The following SGCE variants were observed in gnomAD, a reference collection of about 807,000 sequenced individuals.
The protein encoded by SGCE is sarcoglycan epsilon.
Under a neutral mutation model 57.8 loss-of-function variants are expected in SGCE, and 26 were observed. The observed-to-expected ratio is 0.45, with a 90% confidence interval of 0.33 to 0.62. SGCE has a LOEUF of 0.62. Among genes scored for constraint, SGCE ranks in the 20% least tolerant of loss-of-function variants. The probability of loss-of-function intolerance (pLI) is 0.02; values close to 1 mark genes in which losing one functional copy is unlikely to be tolerated. For synonymous variants in SGCE, 183 were observed against 189.5 expected, an observed-to-expected ratio of 0.97 and a Z score of 0.28; for missense variants, 468 against 548.6, an observed-to-expected ratio of 0.85 and a Z score of 1.47.
At chr7:94,614,804 C>A (rs1801628630) in intron 5 of SGCE, among the ~76,000 whole-genome samples, 1 of 151,940 alleles carries the variant, frequency 6.6e-6, no homozygotes, top group Non-Finnish European at 1.5e-5. Context: ...TTTTTAAAAT[C>A]ACTGTACTCC....
chr7:94,610,269 T>C (rs963343180), intron 5 of SGCE, among the ~76,000 whole-genome samples: 5 of 152,182 alleles, frequency 3.3e-5, no homozygotes, highest in Non-Finnish European at 1.5e-5. Flanking sequence ...TGTATGATAC[T>C]ATAATGATGG....
At chr7:94,585,972 C>G (rs1796830512) in intron 10 of SGCE, among the ~76,000 whole-genome samples, 1 of 141,540 alleles carries the variant, frequency 7.1e-6, no homozygotes, top group Non-Finnish European at 1.5e-5. Context: ...ATTATCCCAG[C>G]TAGTGCTCAA....
intron 10 of SGCE, chr7:94,588,410 T>A (rs1282832249): frequency 1.6e-5 from 19 of 1,223,540 alleles, no homozygotes; most frequent in Non-Finnish European, 1.6e-5. Flanking sequence ...ATAGGGAACT[T>A]CACTGAAGGA....
chr7:94,625,059 G>T (rs1356606847), intron 3 of SGCE: 1 of 151,970 alleles, frequency 6.6e-6, no homozygotes, highest in African/African-American at 2.4e-5. Context: ...TTATTATGAT[G>T]ATGTGAAGAC....
At chr7:94,629,647 A>G (rs1468777591) in intron 2 of SGCE, 72 bp downstream of exon 2, 4 of 1,275,556 alleles carry the variant, frequency 3.1e-6, no homozygotes, top group Non-Finnish European at 4.6e-6. Flanking sequence ...TTTATCATAT[A>G]TGTCTATATT....
At chr7:94,632,983 T>A (rs1804954496) in intron 1 of SGCE, among the ~76,000 whole-genome samples, 1 of 151,988 alleles carries the variant, frequency 6.6e-6, no homozygotes, top group Admixed American at 6.6e-5. Flanking sequence ...CATGTTGTTT[T>A]CCTTAAGAGC....
rs1031404752 is a variant in SGCE at position 94,598,468 on chromosome 7, C to CT, written c.1253+306dup. 1.5e-4 allele frequency: 47 copies of CT among 321,288 alleles called. 1 individual carries two copies. Among genetic ancestry groups the CT allele is most frequent in the South Asian group, 6.4e-4 (18 of 28,108 alleles). The allele number at this position is 321,288 out of a possible 1,614,324, so 19.9% of individuals were successfully genotyped here. A position where few individuals can be genotyped will look rare whatever the true frequency, so the allele number is the denominator to read the frequency against. On this transcript the variant is annotated intron_variant, in intron 9 of 10. Coordinates refer to ENST00000648936, the MANE Select transcript of SGCE (RefSeq NM_003919.3). ...AATTTGAAATGCTTAGGATATGGTTCTTTTTTTTATAATTAACTCATCTTT... is the reference window on the plus strand; with the variant it reads ...AATTTGAAATGCTTAGGATATGGTTCTTTTTTTTTATAATTAACTCATCTTT...
intron 9 of SGCE, among the ~76,000 whole-genome samples, chr7:94,595,503 A>G (rs1306497683): frequency 6.6e-6 from 1 of 152,130 alleles, no homozygotes; most frequent in African/African-American, 2.4e-5. Flanking sequence ...GATGAAATGC[A>G]TGCCCTTATA....
intron 9 of SGCE, among the ~76,000 whole-genome samples, chr7:94,596,355 C>T (rs1798394263): frequency 6.6e-6 from 1 of 152,116 alleles, no homozygotes; most frequent in Non-Finnish European, 1.5e-5. Flanking sequence ...ATGACAGCAA[C>T]CTTTTTCCGC....
intron 7 of SGCE, 80 bp from the exon 8 acceptor site, chr7:94,599,803 G>T: frequency 9.8e-7 from 1 of 1,018,938 alleles, no homozygotes; most frequent in Non-Finnish European, 1.5e-6. Context: ...ATGGGATCTT[G>T]CATGATGTGG....
chr7:94,652,355 G>C (rs1808021942), intron 1 of SGCE, among the ~76,000 whole-genome samples: 1 of 152,096 alleles, frequency 6.6e-6, no homozygotes. Flanking sequence ...TAGCAAAAAA[G>C]AAAAAGGAAG....
At chr7:94,612,527 A>C (rs1801196614) in intron 5 of SGCE, among the ~76,000 whole-genome samples, 1 of 152,164 alleles carries the variant, frequency 6.6e-6, no homozygotes, top group South Asian at 2.1e-4. Flanking sequence ...TTTTAAGTAC[A>C]CATGATTTAT....
intron 9 of SGCE, chr7:94,597,092 A>G (rs1276757978): frequency 6.6e-6 from 1 of 152,168 alleles, no homozygotes; most frequent in Admixed American, 6.5e-5. Context: ...TAGGTGGGCT[A>G]CTGACCACCA....
intron 4 of SGCE, chr7:94,620,823 G>C (rs1802652467): frequency 6.6e-6 from 1 of 152,220 alleles, no homozygotes; most frequent in African/African-American, 2.4e-5. Context: ...GAGGCTTTGA[G>C]CTGGGCAGCT....
intron 9 of SGCE, among the ~76,000 whole-genome samples, chr7:94,592,369 T>A (rs994990814): frequency 6.6e-6 from 1 of 152,112 alleles, no homozygotes; most frequent in African/African-American, 2.4e-5. Context: ...TAAAGGCAAT[T>A]ATACAGGAGC....
At chr7:94,634,599 G>A (rs1013705587) in intron 1 of SGCE, among the ~76,000 whole-genome samples, 3 of 152,168 alleles carry the variant, frequency 2.0e-5, no homozygotes, top group African/African-American at 7.2e-5. Context: ...TACCAAATGA[G>A]GCAGGGTTGC....
intron 1 of SGCE, among the ~76,000 whole-genome samples, chr7:94,646,068 G>A (rs761184550): frequency 3.9e-5 from 6 of 152,094 alleles, no homozygotes; most frequent in Non-Finnish European, 7.4e-5. Context: ...CACTACACTC[G>A]TTGTCCAAGG....
chr7:94,641,811 T>C (rs1386914436), intron 1 of SGCE, among the ~76,000 whole-genome samples: 2 of 152,122 alleles, frequency 1.3e-5, no homozygotes, highest in African/African-American at 4.8e-5. Flanking sequence ...TTAGTAGTAG[T>C]AGTAGTGTTT....
chr7:94,639,271 G>A, intron 1 of SGCE: 1 of 954,650 alleles, frequency 1.0e-6, no homozygotes, highest in Non-Finnish European at 1.6e-6. Context: ...CTAAAAAAGG[G>A]AAGAGACTAT....
Sources: gnomAD v4.1 joint callset for allele counts (sites outside exome capture counted in the v4.1 genomes callset) on GRCh38, gnomAD v4.1.1 for gene constraint, MANE v1.5 for transcripts, NCBI Gene and HGNC (gene_info 2026-07-23, HGNC 2026-07-21) for gene names.